Variants in SF3A3 observed in about 807,000 individuals in gnomAD.
SF3A3 encodes splicing factor 3a subunit 3, also known as SAP 61.
In SF3A3, 9 loss-of-function variants were observed where a neutral mutation model predicts 85.8. The ratio of observed to expected loss-of-function variants is 0.10; its 90% confidence interval spans 0.06 to 0.18. The LOEUF is 0.18. SF3A3 is among the 10% of genes least tolerant of loss of function. SF3A3 has a pLI of 1.00. For missense variants in SF3A3, 306 were observed against 593.3 expected, an observed-to-expected ratio of 0.52 and a Z score of 5.03; for synonymous variants, 195 against 204.4, an observed-to-expected ratio of 0.95 and a Z score of 0.39.
chr1:37,970,714 C>T (rs143093505), intron 12 of SF3A3, among the ~76,000 whole-genome samples: 5,347 of 152,186 alleles, frequency 0.035, 317 homozygotes, highest in African/African-American at 0.12. Context: ...CACTCAAAAC[C>T]GCTCAACTAC....
At chr1:37,960,019 G>T in intron 16 of SF3A3, 101 bp downstream of exon 16, 1 of 820,788 alleles carries the variant, frequency 1.2e-6, no homozygotes, top group Non-Finnish European at 2.1e-6. Flanking sequence ...TCTACTCGCT[G>T]CTGCAGTACA....
At chr1:37,987,429 T>C in intron 4 of SF3A3, 144 bp downstream of exon 4, 1 of 655,002 alleles carries the variant, frequency 1.5e-6, no homozygotes, top group Admixed American at 2.7e-5. Context: ...TATTGTAGGA[T>C]GTCAGCTAAC....
chr1:37,966,472 TATTTAACACATTAAAATCAATTCAGA>T (rs1646301110), intron 15 of SF3A3, among the ~76,000 whole-genome samples: 1 of 152,096 alleles, frequency 6.6e-6, no homozygotes, highest in Non-Finnish European at 1.5e-5. Flanking sequence ...TATCAGTCAT[TATTTAACACATTAAAATCAATTCAGA>T]AAACTATCCA....
intron 15 of SF3A3, among the ~76,000 whole-genome samples, chr1:37,961,367 C>G (rs1055880398): frequency 6.6e-6 from 1 of 151,680 alleles, no homozygotes; most frequent in Admixed American, 6.6e-5. Context: ...GGCGGAACAC[C>G]TGAGGTCGGG....
intron 6 of SF3A3, 119 bp downstream of exon 6, chr1:37,984,050 C>T (rs569992139): frequency 3.7e-6 from 2 of 536,218 alleles, no homozygotes; most frequent in African/African-American, 1.9e-5. Context: ...TTAATATTTA[C>T]ATAAGAGTTT....
intron 4 of SF3A3, among the ~76,000 whole-genome samples, chr1:37,985,466 G>T (rs1646449861): frequency 6.6e-6 from 1 of 151,934 alleles, no homozygotes; most frequent in South Asian, 2.1e-4. Context: ...AGGAGGGCAG[G>T]TATCAGTACT....
intron 15 of SF3A3, among the ~76,000 whole-genome samples, chr1:37,966,979 G>A (rs756777925): frequency 4.4e-5 from 6 of 136,664 alleles, no homozygotes; most frequent in Non-Finnish European, 9.2e-5. Context: ...ATTAGGCGCG[G>A]TGGCTCACGC....
chr1:37,973,582 C>A (rs1177721020), intron 12 of SF3A3, among the ~76,000 whole-genome samples: 3 of 152,204 alleles, frequency 2.0e-5, no homozygotes, highest in Non-Finnish European at 4.4e-5. Flanking sequence ...CAGGAAACAA[C>A]AGGTGCTGGA....
At chr1:37,971,986 A>G (rs1403924047) in intron 12 of SF3A3, among the ~76,000 whole-genome samples, 1 of 152,216 alleles carries the variant, frequency 6.6e-6, no homozygotes, top group East Asian at 1.9e-4. Flanking sequence ...AATTCAACAT[A>G]GTGTTGGAAG....
In SF3A3 at chr1:37,987,661, A is replaced by G. The variant is rs768243878; in HGVS notation, c.215T>C (p.Leu72Pro). ...DDKDGLRKEE[L>P]NAISGPNEFA... ...CTCATTGGGTCCTGAAATGGCATTG[A>G]GCTCCTCCTTTCGTAATCTGCAATT... is the stretch of plus-strand genomic sequence containing the variant. The change falls in exon 4 of 17, where the codon CTC (leucine) becomes CCC (proline). Residue 72 changes from leucine to proline, a missense_variant. Coordinates refer to ENST00000373019, the MANE Select transcript of SF3A3 (RefSeq NM_006802.4). 1 of 1,614,016 alleles carries G rather than the reference A, an allele frequency of 6.2e-7. No individual in the cohort carries two copies.
chr1:37,985,927 T>C (rs1319807806), intron 4 of SF3A3, among the ~76,000 whole-genome samples: 2 of 146,854 alleles, frequency 1.4e-5, no homozygotes, highest in Non-Finnish European at 3.0e-5. Context: ...CTCCTGTTTC[T>C]CCCCTTCTTT....
At chr1:37,986,052 G>A (rs1366249232) in intron 4 of SF3A3, among the ~76,000 whole-genome samples, 1 of 150,650 alleles carries the variant, frequency 6.6e-6, no homozygotes, top group Non-Finnish European at 1.5e-5. Context: ...GGGTTCAAGC[G>A]ATTCTCCTGT....
Position 37,986,349 on chromosome 1 carries a change from A to G in SF3A3, c.303+1224T>C, listed in dbSNP as rs549892817. 7.9e-5 allele frequency among the ~76,000 whole-genome samples: 12 copies of G among 152,340 alleles called. 1 individual carries two copies. In the South Asian group the frequency reaches 2.5e-3, roughly 32 times the overall value. On this transcript the variant is annotated intron_variant, in intron 4 of 16. Transcript: ENST00000373019. ...TCCATTCATACTACTTTAATGAAGC[A>G]GCAATCCTGGCAGATATAAATCAAT...
At position 37,957,454 on chromosome 1, in the gene SF3A3, A is replaced by C. The variant is rs1646228198; in HGVS notation, c.*732T>G. 1 of 146,448 alleles carries C rather than the reference A, an allele frequency of 6.8e-6. No individual in the cohort carries two copies. Among genetic ancestry groups the C allele is most frequent in the Non-Finnish European group, 1.5e-5 (1 of 67,000 alleles). 9.1% of individuals were successfully genotyped at this position (146,448 alleles called of 1,614,324 possible). On this transcript the variant is annotated 3_prime_UTR_variant, in exon 17 of 17. Coordinates refer to ENST00000373019, the MANE Select transcript of SF3A3 (RefSeq NM_006802.4). ...GGCTGGTCTCAAACTCCTAGGTTCA[A>C]AGGATCTTCTAGCCTCAGTCTCCTG...
rs533060884 is a variant in SF3A3 at position 37,970,042 on chromosome 1, C to T, written c.1006-307G>A. On this transcript the variant is annotated intron_variant, in intron 12 of 16. Transcript: ENST00000373019. ...TTTCCTGGCTGGGTGTGGTGGCTCA[C>T]GCCTGTAATCCCATCACTTTTGGAG... 2.3e-4 allele frequency among the ~76,000 whole-genome samples: 35 copies of T among 152,192 alleles called. 1 individual carries two copies. The South Asian group carries it at 6.0e-3, about 26-fold the overall frequency.
At chr1:37,964,376 A>G (rs1051323710) in intron 15 of SF3A3, among the ~76,000 whole-genome samples, 15 of 152,140 alleles carry the variant, frequency 9.9e-5, no homozygotes, top group African/African-American at 3.4e-4. Flanking sequence ...AAGCCAAGGC[A>G]GGCAAGTCAC....
chr1:37,970,427 A>G (rs137864582), intron 12 of SF3A3, among the ~76,000 whole-genome samples: 2,043 of 152,230 alleles, frequency 0.013, 59 homozygotes, highest in African/African-American at 0.047. Context: ...TTAACACCCC[A>G]CTGTCAACAT....
chr1:37,980,465 A>G (rs1570466670), intron 8 of SF3A3, 121 bp downstream of exon 8: 2 of 1,082,702 alleles, frequency 1.8e-6, no homozygotes, highest in East Asian at 5.0e-5. Context: ...GGAATACCTC[A>G]TTGTCACAAG....
chr1:37,965,316 A>AG (rs1553164991), intron 15 of SF3A3, among the ~76,000 whole-genome samples: 1 of 139,306 alleles, frequency 7.2e-6, no homozygotes, highest in Non-Finnish European at 1.5e-5. Flanking sequence ...AAAAAAAAAA[A>AG]AAAGAAAATA....
Sources: allele counts gnomAD v4.1 joint callset (sites outside exome capture counted in the v4.1 genomes callset), GRCh38; gene constraint gnomAD v4.1.1; transcripts MANE v1.5; gene names NCBI Gene and HGNC (gene_info 2026-07-23, HGNC 2026-07-21).